CHP2: variants seen among roughly 807,000 people sequenced by gnomAD.
CHP2 encodes calcineurin B homologous protein 2.
A neutral mutation model predicts 24.7 loss-of-function variants in CHP2; 31 were observed. The ratio of observed to expected loss-of-function variants is 1.26; its 90% CI spans 0.94 to 1.69. The LOEUF is 1.69. CHP2 is among the 40% of genes most tolerant of loss of function. CHP2 has a pLI of 0.00. For missense variants in CHP2, 319 were observed against 261.5 expected, an observed-to-expected ratio of 1.22 and a Z score of -1.52; for synonymous variants, 97 against 99.1, an observed-to-expected ratio of 0.98 and a Z score of 0.13.
At chr16:23,756,812 G>A (rs1465673099) in intron 5 of CHP2, among the ~76,000 whole-genome samples, 1 of 152,138 alleles carries the variant, frequency 6.6e-6, no homozygotes, top group Non-Finnish European at 1.5e-5. Context: ...ACCCAGGAGA[G>A]CCTCTTCCAA....
intron 1 of CHP2, 31 bp downstream of exon 1, chr16:23,755,147 G>A (rs892652346): frequency 6.4e-7 from 1 of 1,552,968 alleles, no homozygotes; most frequent in Non-Finnish European, 8.8e-7. Context: ...GGCTGCGGAG[G>A]GGACGGGGCG....
chr16:23,756,230 A>T (rs1455592859), intron 4 of CHP2, 37 bp downstream of exon 4: 1 of 1,612,300 alleles, frequency 6.2e-7, no homozygotes, highest in Admixed American at 1.7e-5. Context: ...GAGAATGCAG[A>T]TGTACCCACA....
At chr16:23,757,351 T>C (rs759611133) in intron 6 of CHP2, 28 bp downstream of exon 6, 1 of 1,599,204 alleles carries the variant, frequency 6.3e-7, no homozygotes, top group East Asian at 2.2e-5. Flanking sequence ...GATTGGGGAG[T>C]TGAGATCAGG....
chr16:23,755,481 T>G (rs903065197), intron 1 of CHP2, 180 bp from the exon 2 acceptor site: 4 of 624,660 alleles, frequency 6.4e-6, no homozygotes, highest in Admixed American at 2.8e-5. Flanking sequence ...TGAACCTGGA[T>G]CTTCGCGGGG....
At chr16:23,757,448 T>C (rs1961241514) in intron 6 of CHP2, 82 bp from the exon 7 acceptor site, 2 of 1,580,046 alleles carry the variant, frequency 1.3e-6, no homozygotes, top group African/African-American at 2.7e-5. Flanking sequence ...GTCTCTGGAA[T>C]GGGTAGAACC....
chr16:23,755,947 G>A lies in CHP2; in HGVS notation c.221+20G>A, dbSNP rs760377913. 26 of 1,614,012 alleles carry A rather than the reference G, an allele frequency of 1.6e-5. No homozygotes were observed. Among genetic ancestry groups the A allele is most frequent in the Non-Finnish European group, 2.1e-5 (25 of 1,179,988 alleles). ...CGATGGGTGAGGCTTGCTGGGCGTGGGGAGGTGAAGGCGGGAAAACCGGTG... is the reference window on the plus strand; with the variant it reads ...CGATGGGTGAGGCTTGCTGGGCGTGAGGAGGTGAAGGCGGGAAAACCGGTG... On this transcript the variant is annotated intron_variant, in intron 3 of 6. Transcript: ENST00000300113.
chr16:23,756,196 G>C lies in CHP2; in HGVS notation c.352+3G>C. On this transcript the variant is annotated splice_donor_region_variant and intron_variant, in intron 4 of 6. Coordinates refer to ENST00000300113, the MANE Select transcript of CHP2 (RefSeq NM_022097.4). ...CAGCAGAAGGAACAAACTTCACTGT[G>C]AGTTTGTGAGGACCTGCACAAGTGA... is the stretch of plus-strand genomic sequence containing the variant. 6.2e-7 allele frequency: 1 copy of C among 1,613,768 alleles called. No homozygotes were observed. Among genetic ancestry groups the C allele is most frequent in the Non-Finnish European group, 8.5e-7 (1 of 1,180,008 alleles).
chr16:23,757,060 G>GT, intron 5 of CHP2, 141 bp from the exon 6 acceptor site: 1 of 816,388 alleles, frequency 1.2e-6, no homozygotes, highest in Non-Finnish European at 1.8e-6. Context: ...GAAAATTATT[G>GT]GGGGATATGG....
In CHP2 at chr16:23,757,774, T is replaced by C; in HGVS notation, c.*191T>C. ...TCAGCAGTCCCCAACCTTTTTGGCA[T>C]CAGGGACAGTTTTTCCACGGATGGG... On this transcript the variant is annotated 3_prime_UTR_variant, in exon 7 of 7. Transcript: ENST00000300113. 1 of 626,002 alleles carries C rather than the reference T, an allele frequency of 1.6e-6. No individual in the cohort carries two copies. Among genetic ancestry groups the C allele is most frequent in the Non-Finnish European group, 2.9e-6 (1 of 348,944 alleles). 38.8% of individuals were successfully genotyped at this position (626,002 alleles called of 1,614,324 possible).
Position 23,757,711 on chromosome 16 carries a change from A to C in CHP2, c.*128A>C, listed in dbSNP as rs1961247153. 1 of 865,156 alleles carries C rather than the reference A, an allele frequency of 1.2e-6. No homozygotes were observed. 53.6% of individuals were successfully genotyped at this position (865,156 alleles called of 1,614,324 possible). ...TCGTTTCTAACTCTATTTAGGGCCAAGAGAAGAAAGCTGGAAGGATGTGTA... is the reference window on the plus strand; with the variant it reads ...TCGTTTCTAACTCTATTTAGGGCCACGAGAAGAAAGCTGGAAGGATGTGTA... On this transcript the variant is annotated 3_prime_UTR_variant, in exon 7 of 7. Coordinates refer to ENST00000300113, the MANE Select transcript of CHP2 (RefSeq NM_022097.4).
chr16:23,755,680 C>T lies in CHP2; in HGVS notation c.87C>T (p.Leu29=). Reference sequence around the variant, plus strand: ...CCGCAGTCTCCCAAGCCAGCCTGCTCCGCCTGCACCACCGGTTCCGGGCAC... The same window carrying T: ...CCGCAGTCTCCCAAGCCAGCCTGCTTCGCCTGCACCACCGGTTCCGGGCAC... The part of the protein sequence containing the change: ...RETGFSQASL[L]RLHHRFRALD... The change falls in exon 2 of 7, where the codon CTC becomes CTT. Residue 29 remains leucine (L), a synonymous_variant. Transcript: ENST00000300113. 6.2e-7 allele frequency: 1 copy of T among 1,614,096 alleles called. No homozygotes were observed. Among genetic ancestry groups the T allele is most frequent in the Non-Finnish European group, 8.5e-7 (1 of 1,180,014 alleles).
chr16:23,755,970 G>T, intron 3 of CHP2, 43 bp downstream of exon 3: 4 of 1,613,884 alleles, frequency 2.5e-6, no homozygotes, highest in Non-Finnish European at 3.4e-6. Context: ...GGGAAAACCG[G>T]TGTGTGAGTG....
chr16:23,755,870 G>C lies in CHP2; in HGVS notation c.164G>C (p.Gly55Ala). ...YLSRMDLQQIGALAVNPLGDR... is the reference protein window; with the variant it reads ...YLSRMDLQQIAALAVNPLGDR... ...AGCCGCATGGATCTCCAGCAGATAG[G>C]GGCGCTCGCCGTGAACCCCCTGGGA... Residue 55 changes from glycine to alanine, a missense_variant, in exon 3 of 7, where the codon GGG (glycine) becomes GCG (alanine). Coordinates refer to ENST00000300113, the MANE Select transcript of CHP2 (RefSeq NM_022097.4). 2 of 1,614,218 alleles carry C rather than the reference G, an allele frequency of 1.2e-6. No homozygotes were observed. The highest frequency in any genetic ancestry group is 1.7e-6 in the Non-Finnish European group (2 of 1,180,046).
chr16:23,757,792 CG>C lies in CHP2; in HGVS notation c.*211del, dbSNP rs1961247935. 1.2e-5 allele frequency: 7 copies of C among 605,000 alleles called. No homozygotes were observed. The South Asian group carries it at 1.4e-4, about 12-fold the overall frequency. 37.5% of individuals were successfully genotyped at this position (605,000 alleles called of 1,614,324 possible). On this transcript the variant is annotated 3_prime_UTR_variant, in exon 7 of 7. Transcript: ENST00000300113. ...TTTGGCATCAGGGACAGTTTTTCCA[CG>C]GATGGGTGACAGGGGATGGTTTTGG...
rs753142533 is a variant in CHP2, at chr16:23,755,131, G to A, written c.67+15G>A. ...AGAGACCGGCTGTGAGTGCGCCCGCGTCGGCGGCTGCGGAGGGGACGGGGC... is the reference window on the plus strand; with the variant it reads ...AGAGACCGGCTGTGAGTGCGCCCGCATCGGCGGCTGCGGAGGGGACGGGGC... On this transcript the variant is annotated intron_variant, in intron 1 of 6. Transcript: ENST00000300113. 1.9e-6 allele frequency: 3 copies of A among 1,591,982 alleles called. No homozygotes were observed. Among genetic ancestry groups the A allele is most frequent in the Non-Finnish European group, 1.7e-6 (2 of 1,170,212 alleles).
intron 5 of CHP2, among the ~76,000 whole-genome samples, chr16:23,756,825 A>G (rs1961232132): frequency 6.6e-6 from 1 of 152,116 alleles, no homozygotes; most frequent in Non-Finnish European, 1.5e-5. Context: ...TCTTCCAACA[A>G]GGAGTTACCT....
In CHP2 at chr16:23,756,156, A is replaced by T. The variant is rs565104886; in HGVS notation, c.315A>T (p.Lys105Asn). Residue 105 changes from lysine to asparagine, a missense_variant, in exon 4 of 7, where the codon AAA becomes AAT. By Grantham distance (94) the Lys-to-Asn change is moderately conservative. Coordinates refer to ENST00000300113, the MANE Select transcript of CHP2 (RefSeq NM_022097.4). ...DEDTETQDPK[K>N]PEPLNSRRNK... is the part of the protein sequence containing the mutation. Reference sequence around the variant, plus strand: ...ACACAGAAACCCAAGACCCCAAGAAACCTGAACCTCTCAACAGCAGAAGGA... The same window carrying T: ...ACACAGAAACCCAAGACCCCAAGAATCCTGAACCTCTCAACAGCAGAAGGA... 77 of 1,614,090 alleles carry T rather than the reference A, an allele frequency of 4.8e-5. 1 individual carries two copies. The South Asian group carries it at 7.8e-4, about 16-fold the overall frequency.
intron 6 of CHP2, 55 bp downstream of exon 6, chr16:23,757,378 G>A (rs1343342591): frequency 3.8e-6 from 6 of 1,595,344 alleles, no homozygotes; most frequent in Non-Finnish European, 4.3e-6. Flanking sequence ...GGGGCAGACA[G>A]ACTTGGGAAA....
chr16:23,755,517 C>A, intron 1 of CHP2, 144 bp from the exon 2 acceptor site: 1 of 716,098 alleles, frequency 1.4e-6, no homozygotes, highest in East Asian at 2.7e-5. Flanking sequence ...TCCGCCCCGG[C>A]CAGCTCAACC....
Sources: gnomAD v4.1 joint callset for allele counts (sites outside exome capture counted in the v4.1 genomes callset) on GRCh38, gnomAD v4.1.1 for gene constraint, MANE v1.5 for transcripts, NCBI Gene and HGNC (gene_info 2026-07-23, HGNC 2026-07-21) for gene names.